NFATC3: variants seen among roughly 807,000 people sequenced by gnomAD.
The protein encoded by NFATC3 is nuclear factor of activated T-cells, cytoplasmic 3.
In NFATC3, 46 loss-of-function variants were observed where a neutral mutation model predicts 98.6. That is an observed-to-expected ratio of 0.47 (90% CI 0.37 to 0.60). NFATC3 has a LOEUF of 0.60. Among genes scored for constraint, NFATC3 ranks in the 20% least tolerant of loss-of-function variants. The probability of loss-of-function intolerance (pLI) is 0.00; values close to 1 mark genes in which losing one functional copy is unlikely to be tolerated. For synonymous variants in NFATC3, 512 were observed against 472.2 expected (o/e 1.08, Z -1.09); for missense variants, 1,256 against 1,295.5 (o/e 0.97, Z 0.47).
chr16:68,160,697 T>A (rs1375495558), intron 4 of NFATC3, among the ~76,000 whole-genome samples: 2 of 151,938 alleles, frequency 1.3e-5, no homozygotes, highest in Non-Finnish European at 2.9e-5. Context: ...TCTTAAATTT[T>A]TTTTTTTTAG....
chr16:68,106,444 A>G (rs1295728107), intron 1 of NFATC3, among the ~76,000 whole-genome samples: 1 of 151,936 alleles, frequency 6.6e-6, no homozygotes, highest in African/African-American at 2.4e-5. Flanking sequence ...GGTGTGCACC[A>G]TCACGCCTGG....
At position 68,190,830 on chromosome 16, in the gene NFATC3, C is replaced by T. The variant is rs375515080; in HGVS notation, c.2161C>T (p.Pro721Ser). 37 of 1,613,982 alleles carry T rather than the reference C, an allele frequency of 2.3e-5. No individual in the cohort carries two copies. Among genetic ancestry groups the T allele is most frequent in the Non-Finnish European group, 3.0e-5 (35 of 1,179,994 alleles). ...DLSSVPSLPV[P>S]HPAQTQRPSS... is the part of the protein sequence containing the mutation. The stretch of plus-strand genomic sequence containing the variant: ...GTCTTCAGTTCCATCTTTGCCTGTG[C>T]CTCATCCTGCTCAGACCCAGAGGCC... Residue 721 changes from proline to serine, a missense_variant, in exon 9 of 10, where the codon CCT becomes TCT. Coordinates refer to ENST00000346183, the MANE Select transcript of NFATC3 (RefSeq NM_173165.3).
rs931062747 is a variant in NFATC3 at position 68,174,449 on chromosome 16, A to C, written c.1850A>C (p.Glu617Ala). The C allele has an allele frequency of 5.0e-6, 8 of 1,607,198 alleles. No individual in the cohort carries two copies. Among genetic ancestry groups the C allele is most frequent in the Non-Finnish European group, 6.8e-6 (8 of 1,176,776 alleles). Reference sequence around the variant, plus strand: ...AGTTGTTCTGTAAATGGAGGTCATGAAATGGTTGTGACTGGATCTAATTTT... The same window carrying C: ...AGTTGTTCTGTAAATGGAGGTCATGCAATGGTTGTGACTGGATCTAATTTT... ...INSCSVNGGH[E>A]MVVTGSNFLP... The change falls in exon 6 of 10, where the codon GAA becomes GCA. Residue 617 changes from glutamate (E) to alanine (A), a missense_variant. By Grantham distance (107) the Glu-to-Ala change is moderately radical. This residue lies in a region of NFATC3 where 636 missense variants were observed against 617.3 expected (regional missense o/e 1.03). Transcript: ENST00000346183.
intron 3 of NFATC3, among the ~76,000 whole-genome samples, chr16:68,156,603 G>A (rs2038629582): frequency 6.6e-6 from 1 of 152,048 alleles, no homozygotes. Flanking sequence ...AGTTGATAGA[G>A]AAAAAAACCT....
intron 3 of NFATC3, among the ~76,000 whole-genome samples, chr16:68,138,260 G>A (rs1380785633): frequency 1.3e-5 from 2 of 150,076 alleles, no homozygotes; most frequent in African/African-American, 4.9e-5. Flanking sequence ...GGCTAGTCTC[G>A]AACTCCTGAC....
chr16:68,224,274 CTTTTTTTT>C (rs952835724), intron 9 of NFATC3, among the ~76,000 whole-genome samples: 1 of 121,668 alleles, frequency 8.2e-6, no homozygotes, highest in Non-Finnish European at 1.7e-5. Context: ...TAAGCCAAAT[CTTTTTTTT>C]TTTTTTTTTT....
At chr16:68,131,203 C>A in intron 3 of NFATC3, among the ~76,000 whole-genome samples, 1 of 152,100 alleles carries the variant, frequency 6.6e-6, no homozygotes, top group Non-Finnish European at 1.5e-5. Flanking sequence ...GGTATTTTGA[C>A]AGAGATTGCA....
At chr16:68,137,706 T>G (rs2037504731) in intron 3 of NFATC3, among the ~76,000 whole-genome samples, 1 of 151,542 alleles carries the variant, frequency 6.6e-6, no homozygotes, top group Non-Finnish European at 1.5e-5. Context: ...CTCCGCCTCC[T>G]GGGTTCACGC....
chr16:68,180,334 A>G (rs1248536610), intron 6 of NFATC3, among the ~76,000 whole-genome samples: 1 of 152,146 alleles, frequency 6.6e-6, no homozygotes, highest in Admixed American at 6.5e-5. Flanking sequence ...GATACCATAA[A>G]GAGACATTTC....
At chr16:68,121,872 C>A in intron 1 of NFATC3, 115 bp from the exon 2 acceptor site, 1 of 1,247,818 alleles carries the variant, frequency 8.0e-7, no homozygotes, top group Non-Finnish European at 1.1e-6. Context: ...TTTTATATCC[C>A]ACTTTTTTCT....
At chr16:68,145,385 G>C (rs1033598642) in intron 3 of NFATC3, among the ~76,000 whole-genome samples, 17 of 152,136 alleles carry the variant, frequency 1.1e-4, no homozygotes, top group African/African-American at 4.1e-4. Flanking sequence ...GAGCTCAAGC[G>C]ATTCATCCAC....
At chr16:68,204,223 A>G (rs563462692) in intron 9 of NFATC3, among the ~76,000 whole-genome samples, 2 of 149,814 alleles carry the variant, frequency 1.3e-5, no homozygotes, top group South Asian at 4.2e-4. Flanking sequence ...TTAGCCACGC[A>G]TGGTGGTGAA....
intron 4 of NFATC3, among the ~76,000 whole-genome samples, chr16:68,164,439 C>A (rs569459851): frequency 1.8e-4 from 28 of 152,292 alleles, no homozygotes; most frequent in African/African-American, 6.5e-4. Flanking sequence ...AGCGCCTAAT[C>A]TCTTTTCTAA....
At chr16:68,217,900 T>C (rs2041698775) in intron 9 of NFATC3, 13 of 1,226,092 alleles carry the variant, frequency 1.1e-5, no homozygotes, top group Middle Eastern at 6.3e-4. Context: ...CCAGGAAATA[T>C]ACTCTGTAGC....
At chr16:68,184,678 C>T (rs993754809) in intron 8 of NFATC3, among the ~76,000 whole-genome samples, 4 of 152,012 alleles carry the variant, frequency 2.6e-5, no homozygotes, top group Non-Finnish European at 4.4e-5. Context: ...GTGGCGGGCG[C>T]CTGTAGTCCC....
intron 5 of NFATC3, among the ~76,000 whole-genome samples, chr16:68,171,269 A>G (rs964777964): frequency 6.6e-6 from 1 of 152,112 alleles, no homozygotes; most frequent in Non-Finnish European, 1.5e-5. Flanking sequence ...TTGGTCTCCT[A>G]AAGTGCTGGG....
At chr16:68,098,307 T>A (rs868851136) in intron 1 of NFATC3, among the ~76,000 whole-genome samples, 11,614 of 137,320 alleles carry the variant, frequency 0.085, 611 homozygotes, top group Admixed American at 0.11. Flanking sequence ...ATTATTTTTT[T>A]TTTTTTTTTT....
rs2042085613 is a variant in NFATC3 at position 68,228,830 on chromosome 16, G to C, written c.*2359G>C. On this transcript the variant is annotated 3_prime_UTR_variant, in exon 10 of 10. Transcript: ENST00000346183. ...AGCTCTTGGGTTGAGGAATGGAATG[G>C]GTAGCCTTCTGCTTACTGGAGATGC... The C allele has an allele frequency of 6.6e-6, 1 of 152,292 alleles. No homozygotes were observed. Among genetic ancestry groups the C allele is most frequent in the African/African-American group, 2.4e-5 (1 of 41,428 alleles). 9.4% of individuals were successfully genotyped at this position (152,292 alleles called of 1,614,324 possible). A position where few individuals can be genotyped will look rare whatever the true frequency, so the allele number is the denominator to read the frequency against.
rs547146469 is a variant in NFATC3 at position 68,148,478 on chromosome 16, T to C, written c.1402-9391T>C. 1.5e-3 allele frequency among the ~76,000 whole-genome samples: 236 copies of C among 152,302 alleles called. 3 individuals are homozygous for C. The highest frequency in any genetic ancestry group is 0.013 in the South Asian group (61 of 4,830). ...TCTTGACTACATAAAAATTAAAATA[T>C]TTACAGAAAATGGAAACATAAATGT... On this transcript the variant is annotated intron_variant, in intron 3 of 9. Coordinates refer to ENST00000346183, the MANE Select transcript of NFATC3 (RefSeq NM_173165.3).
Sources: gnomAD v4.1 joint callset for allele counts (sites outside exome capture counted in the v4.1 genomes callset) on GRCh38, gnomAD v4.1.1 for gene constraint, gnomAD v4.1.1 regional missense constraint, MANE v1.5 for transcripts, NCBI Gene and HGNC (gene_info 2026-07-23, HGNC 2026-07-21) for gene names.